The following SLC25A31 variants were observed in gnomAD, a reference collection of about 807,000 sequenced individuals.
SLC25A31 encodes the protein ADP/ATP translocase 4.
A neutral mutation model predicts 36.2 loss-of-function variants in SLC25A31; 40 were observed. The ratio of observed to expected loss-of-function variants is 1.10; its 90% CI spans 0.86 to 1.44. The LOEUF is 1.44. SLC25A31 is among the 40% of genes most tolerant of loss of function. The pLI is 0.00. For missense variants in SLC25A31, 350 were observed against 397.1 expected, an observed-to-expected ratio of 0.88 and a Z score of 1.01; for synonymous variants, 143 against 149.7, an observed-to-expected ratio of 0.96 and a Z score of 0.32.
chr4:127,764,440 T>C, intron 3 of SLC25A31, 80 bp downstream of exon 3: 1 of 1,175,270 alleles, frequency 8.5e-7, no homozygotes, highest in Non-Finnish European at 1.2e-6. Context: ...AATTGTGCTA[T>C]AATAGTGTTA....
intron 2 of SLC25A31, among the ~76,000 whole-genome samples, chr4:127,748,053 A>G (rs1386085063): frequency 6.6e-6 from 1 of 152,180 alleles, no homozygotes; most frequent in Admixed American, 6.5e-5. Context: ...CTTGGTGTCC[A>G]GGGTTTTTCT....
Position 127,767,208 on chromosome 4 carries a change from T to A in SLC25A31, c.621T>A (p.Tyr207Ter). ...IVYRASYFGAYDTVKGLLPKP... is the reference protein window; with the variant it reads ...IVYRASYFGA ...ACCGAGCCTCTTATTTTGGAGCTTA[T>A]GACACAGTTAAGGTAATCTGGGGGC... The change falls in exon 4 of 6, where the codon TAT (tyrosine) becomes TAA (stop). Residue 207 changes from tyrosine (Y) to a stop codon, truncating the protein, a stop_gained. Coordinates refer to ENST00000281154, the MANE Select transcript of SLC25A31 (RefSeq NM_031291.4). LOFTEE classifies it high-confidence loss of function. 1 of 1,598,324 alleles carries A rather than the reference T, an allele frequency of 6.3e-7. No homozygotes were observed. The highest frequency in any genetic ancestry group is 8.5e-7 in the Non-Finnish European group (1 of 1,172,458).
chr4:127,746,470 AG>A (rs1430915843), intron 2 of SLC25A31, among the ~76,000 whole-genome samples: 1 of 152,106 alleles, frequency 6.6e-6, no homozygotes, highest in Non-Finnish European at 1.5e-5. Context: ...ACTTTTGAAT[AG>A]TAGCCATTTT....
At chr4:127,769,620 T>C (rs1732312668) in intron 5 of SLC25A31, among the ~76,000 whole-genome samples, 1 of 152,240 alleles carries the variant, frequency 6.6e-6, no homozygotes, top group Non-Finnish European at 1.5e-5. Context: ...GCTTCATCTA[T>C]GCTAAGCTCT....
At chr4:127,769,300 G>A (rs1226700877) in intron 5 of SLC25A31, among the ~76,000 whole-genome samples, 2 of 152,098 alleles carry the variant, frequency 1.3e-5, no homozygotes, top group Non-Finnish European at 2.9e-5. Flanking sequence ...TTGTCATGAT[G>A]TTCTAAATAT....
At chr4:127,749,057 A>G (rs551652422) in intron 2 of SLC25A31, among the ~76,000 whole-genome samples, 42 of 152,190 alleles carry the variant, frequency 2.8e-4, no homozygotes, top group African/African-American at 9.9e-4. Context: ...GGGAACTTTA[A>G]TAATGAAATT....
Position 127,773,453 on chromosome 4 carries a change from G to A in SLC25A31, c.827G>A (p.Gly276Glu). Residue 276 changes from glycine (G) to glutamate (E), a missense_variant, in exon 6 of 6, where the codon GGA (glycine) becomes GAA (glutamate). Gly to Glu is a moderately conservative substitution (Grantham distance 98, BLOSUM62 -2). Transcript: ENST00000281154. ...TTTGTGAAGATATACCAACATGAAG[G>A]AATCAGTTCCTTTTTTCGTGGCGCC... is the stretch of plus-strand genomic sequence containing the variant. ...DCFVKIYQHE[G>E]ISSFFRGAFS... 6.2e-7 allele frequency: 1 copy of A among 1,614,066 alleles called. No individual in the cohort carries two copies. The highest frequency in any genetic ancestry group is 8.5e-7 in the Non-Finnish European group (1 of 1,179,990).
intron 4 of SLC25A31, among the ~76,000 whole-genome samples, chr4:127,767,876 C>T (rs1311794656): frequency 6.9e-6 from 1 of 144,974 alleles, no homozygotes; most frequent in Non-Finnish European, 1.5e-5. Flanking sequence ...ACCCATGTAA[C>T]CAAAACACTA....
rs1732417073 is a variant in SLC25A31 at position 127,773,857 on chromosome 4, A to G, written c.*283A>G. On this transcript the variant is annotated 3_prime_UTR_variant, in exon 6 of 6. Transcript: ENST00000281154. Reference sequence around the variant, plus strand: ...AAATTCTTTTTATGATTAAAAATTAATCATATAATCCTAGATTAATGCTGA... The same window carrying G: ...AAATTCTTTTTATGATTAAAAATTAGTCATATAATCCTAGATTAATGCTGA... 4.4e-6 allele frequency: 1 copy of G among 226,056 alleles called. No individual in the cohort carries two copies. The highest frequency in any genetic ancestry group is 8.5e-6 in the Non-Finnish European group (1 of 117,208). 14.0% of individuals were successfully genotyped at this position (226,056 alleles called of 1,614,324 possible).
intron 2 of SLC25A31, among the ~76,000 whole-genome samples, chr4:127,763,023 T>C (rs1732172484): frequency 6.6e-6 from 1 of 151,360 alleles, no homozygotes; most frequent in Non-Finnish European, 1.5e-5. Flanking sequence ...ATTTAAAAAA[T>C]AAGAGTCTGT....
chr4:127,750,935 A>C lies in SLC25A31; in HGVS notation c.360+6136A>C, dbSNP rs192419832. 1.8e-3 allele frequency among the ~76,000 whole-genome samples: 281 copies of C among 152,320 alleles called. 1 individual carries two copies. The highest frequency in any genetic ancestry group is 6.4e-3 in the African/African-American group (264 of 41,572). The stretch of plus-strand genomic sequence containing the variant: ...CTTAAATTGTAAATGAATGATTTTT[A>C]ATTAAAAAACATAGTGGTAAAGGGA... On this transcript the variant is annotated intron_variant, in intron 2 of 5. Transcript: ENST00000281154.
At chr4:127,754,815 A>G (rs1276789040) in intron 2 of SLC25A31, among the ~76,000 whole-genome samples, 5 of 152,190 alleles carry the variant, frequency 3.3e-5, no homozygotes, top group Non-Finnish European at 5.9e-5. Context: ...AGAAATAAAA[A>G]AAGAATCCTT....
intron 1 of SLC25A31, among the ~76,000 whole-genome samples, chr4:127,731,141 C>T (rs1340374760): frequency 6.6e-6 from 1 of 152,180 alleles, no homozygotes; most frequent in Non-Finnish European, 1.5e-5. Context: ...CTCTAAGTTG[C>T]TTAAATATTT....
In SLC25A31 at chr4:127,764,318, C is replaced by T; in HGVS notation, c.436C>T (p.Leu146=). 6.2e-7 allele frequency: 1 copy of T among 1,613,938 alleles called. No homozygotes were observed. Among genetic ancestry groups the T allele is most frequent in the Non-Finnish European group, 8.5e-7 (1 of 1,179,934 alleles). ...AACATCCTTATGTGTAGTATATCCTCTAGATTTTGCCCGAACCCGATTAGG... is the reference window on the plus strand; with the variant it reads ...AACATCCTTATGTGTAGTATATCCTTTAGATTTTGCCCGAACCCGATTAGG... ...GATSLCVVYP[L]DFARTRLGVD... Residue 146 remains leucine (L), a synonymous_variant, in exon 3 of 6, where the codon CTA becomes TTA. Transcript: ENST00000281154.
intron 4 of SLC25A31, 115 bp downstream of exon 4, chr4:127,767,335 A>T: frequency 3.0e-6 from 3 of 1,008,512 alleles, no homozygotes; most frequent in Non-Finnish European, 4.1e-6. Context: ...TCAGTGATGA[A>T]AAAAGAGAGA....
intron 2 of SLC25A31, among the ~76,000 whole-genome samples, chr4:127,758,834 C>T (rs1732077991): frequency 6.6e-6 from 1 of 152,102 alleles, no homozygotes; most frequent in Non-Finnish European, 1.5e-5. Flanking sequence ...GTCTATGTGT[C>T]TGTTTTTGCA....
intron 3 of SLC25A31, 106 bp downstream of exon 3, chr4:127,764,466 G>A (rs983364646): frequency 1.1e-5 from 10 of 938,062 alleles, no homozygotes; most frequent in African/African-American, 1.6e-5. Flanking sequence ...TAAAGTCTAC[G>A]AACTTTGTTC....
At chr4:127,772,276 TTTCTACTC>T (rs1432549390) in intron 5 of SLC25A31, among the ~76,000 whole-genome samples, 2 of 152,230 alleles carry the variant, frequency 1.3e-5, no homozygotes, top group African/African-American at 4.8e-5. Flanking sequence ...TTCCAGTTCT[TTTCTACTC>T]TGTTGGTAAA....
intron 2 of SLC25A31, among the ~76,000 whole-genome samples, chr4:127,747,545 G>A (rs1043449617): frequency 6.6e-6 from 1 of 152,052 alleles, no homozygotes; most frequent in African/African-American, 2.4e-5. Context: ...TTCTCTTTGT[G>A]ACTGTATGAG....
Sources: gnomAD v4.1 joint callset for allele counts (sites outside exome capture counted in the v4.1 genomes callset) on GRCh38, gnomAD v4.1.1 for gene constraint, MANE v1.5 for transcripts, NCBI Gene and HGNC (gene_info 2026-07-23, HGNC 2026-07-21) for gene names.